IGBP1C: variants seen among roughly 807,000 people sequenced by gnomAD.
IGBP1C encodes immunoglobulin-binding protein 1 family member C.
chr17:58,679,890 C>T, the IGBP1C span, among the ~76,000 whole-genome samples: 1 of 152,274 alleles, frequency 6.6e-6, no homozygotes, highest in South Asian at 2.1e-4. Flanking sequence ...AAATAGCCAG[C>T]AGTCACTGCG....
the IGBP1C span, chr17:58,661,197 A>T: frequency 1.3e-6 from 1 of 799,258 alleles, no homozygotes; most frequent in African/African-American, 1.7e-5. Context: ...TTTTCAGCTG[A>T]GTTGGTCTTG....
chr17:58,666,710 T>C, the IGBP1C span: 2 of 152,196 alleles, frequency 1.3e-5, no homozygotes, highest in African/African-American at 4.8e-5. Context: ...GGTACTTGCG[T>C]GACCCCAGCA....
At chr17:58,669,391 G>A in the IGBP1C span, among the ~76,000 whole-genome samples, 1 of 151,498 alleles carries the variant, frequency 6.6e-6, no homozygotes, top group Non-Finnish European at 1.5e-5. Flanking sequence ...GGTGTGGAGA[G>A]GAGTTTGTCA....
At chr17:58,661,674 A>G in the IGBP1C span, 1 of 614,366 alleles carries the variant, frequency 1.6e-6, no homozygotes, top group East Asian at 2.7e-5. Context: ...TAGATTTCTA[A>G]CAACCAGTCT....
the IGBP1C span, among the ~76,000 whole-genome samples, chr17:58,686,476 C>A: frequency 6.6e-6 from 1 of 151,986 alleles, no homozygotes; most frequent in African/African-American, 2.4e-5. Context: ...GTCCAGTAGG[C>A]AATTAGATAT....
At chr17:58,673,207 G>A in the IGBP1C span, among the ~76,000 whole-genome samples, 3 of 151,854 alleles carry the variant, frequency 2.0e-5, no homozygotes, top group South Asian at 2.1e-4. Context: ...AGGGCAGGGC[G>A]CGGTAGCTTA....
the IGBP1C span, among the ~76,000 whole-genome samples, chr17:58,682,101 A>G: frequency 6.6e-6 from 1 of 151,850 alleles, no homozygotes; most frequent in Non-Finnish European, 1.5e-5. Flanking sequence ...GGCACACACT[A>G]CCATGTCTGG....
At chr17:58,683,190 T>C in the IGBP1C span, among the ~76,000 whole-genome samples, 1 of 149,614 alleles carries the variant, frequency 6.7e-6, no homozygotes, top group African/African-American at 2.5e-5. Flanking sequence ...CTGGGCAACA[T>C]AGCAAAACCC....
chr17:58,662,272 A>G, the IGBP1C span, among the ~76,000 whole-genome samples: 1 of 151,836 alleles, frequency 6.6e-6, no homozygotes. Context: ...AACACGGTGA[A>G]ACCCCATCTC....
At chr17:58,687,653 T>C in the IGBP1C span, among the ~76,000 whole-genome samples, 1 of 151,996 alleles carries the variant, frequency 6.6e-6, no homozygotes, top group African/African-American at 2.4e-5. Context: ...TTTTTTAAAG[T>C]TCTATGTTCT....
the IGBP1C span, among the ~76,000 whole-genome samples, chr17:58,691,421 C>T: frequency 9.2e-5 from 14 of 151,740 alleles, no homozygotes; most frequent in African/African-American, 3.4e-4. Context: ...GTACTCCCAG[C>T]ATTTTGGGAG....
the IGBP1C span, chr17:58,675,575 T>A: frequency 6.6e-6 from 1 of 152,186 alleles, no homozygotes; most frequent in Non-Finnish European, 1.5e-5. Flanking sequence ...AATCAAACTA[T>A]CTTTTAAATG....
At chr17:58,688,049 T>C in the IGBP1C span, among the ~76,000 whole-genome samples, 1 of 152,212 alleles carries the variant, frequency 6.6e-6, no homozygotes, top group African/African-American at 2.4e-5. Flanking sequence ...AGGATTACTG[T>C]GGATCAAGTC....
chr17:58,673,493 A>AAAT, the IGBP1C span, among the ~76,000 whole-genome samples: 1 of 148,076 alleles, frequency 6.8e-6, no homozygotes, highest in Non-Finnish European at 1.5e-5. Flanking sequence ...AAAAATAAAT[A>AAAT]AATAAATAAA....
chr17:58,681,242 A>T, the IGBP1C span, among the ~76,000 whole-genome samples: 6 of 151,810 alleles, frequency 4.0e-5, no homozygotes, highest in African/African-American at 1.5e-4. Flanking sequence ...CTGAGCAACA[A>T]GATCGAAACT....
At chr17:58,690,393 T>C in the IGBP1C span, among the ~76,000 whole-genome samples, 3 of 152,160 alleles carry the variant, frequency 2.0e-5, no homozygotes, top group Non-Finnish European at 4.4e-5. Flanking sequence ...CTCAAACTCC[T>C]GAGATCAAGC....
the IGBP1C span, among the ~76,000 whole-genome samples, chr17:58,680,512 C>A: frequency 2.6e-5 from 4 of 151,998 alleles, no homozygotes; most frequent in Admixed American, 6.6e-5. Context: ...GAGGCCAATG[C>A]GGGCAGATCA....
At chr17:58,666,705 T>C in the IGBP1C span, 5 of 152,176 alleles carry the variant, frequency 3.3e-5, no homozygotes, top group African/African-American at 1.2e-4. Flanking sequence ...TATGAGGTAC[T>C]TGCGTGACCC....
At chr17:58,680,977 A>G in the IGBP1C span, among the ~76,000 whole-genome samples, 15 of 152,092 alleles carry the variant, frequency 9.9e-5, no homozygotes, top group African/African-American at 3.6e-4. Flanking sequence ...AAAGGAAGAA[A>G]TAATGCTGTT....
Sources: gnomAD v4.1 joint callset for allele counts (sites outside exome capture counted in the v4.1 genomes callset) on GRCh38, gnomAD v4.1.1 for gene constraint, MANE v1.5 for transcripts, NCBI Gene and HGNC (gene_info 2026-07-23, HGNC 2026-07-21) for gene names.